The following MAN1A1 variants were observed in gnomAD, a reference collection of about 807,000 sequenced individuals.
MAN1A1 encodes the protein mannosyl-oligosaccharide 1,2-alpha-mannosidase IA.
A neutral mutation model predicts 70.8 loss-of-function variants in MAN1A1; 29 were observed. The observed-to-expected ratio is 0.41, with a 90% CI of 0.31 to 0.56. The LOEUF (loss-of-function observed/expected upper bound fraction) is 0.56, where lower values mean the gene tolerates loss of function less well. MAN1A1 is among the 20% of genes least tolerant of loss of function. The probability of loss-of-function intolerance (pLI) is 0.29; values close to 1 mark genes in which losing one functional copy is unlikely to be tolerated. For synonymous variants in MAN1A1, 349 were observed against 330.1 expected (o/e 1.06, Z -0.62); for missense variants, 747 against 841.3 (o/e 0.89, Z 1.39).
intron 8 of MAN1A1, among the ~76,000 whole-genome samples, chr6:119,201,043 T>C (rs751630776): frequency 1.3e-5 from 2 of 152,242 alleles, no homozygotes; most frequent in African/African-American, 4.8e-5. Context: ...TGTGCTTATA[T>C]GTCATCACAC....
intron 2 of MAN1A1, among the ~76,000 whole-genome samples, chr6:119,332,503 GGAAAT>G (rs1773346202): frequency 6.6e-6 from 1 of 152,112 alleles, no homozygotes; most frequent in African/African-American, 2.4e-5. Context: ...AAAAATACTT[GGAAAT>G]TAATAGCTGA....
chr6:119,227,190 T>C (rs755772718), intron 6 of MAN1A1, among the ~76,000 whole-genome samples: 4 of 152,168 alleles, frequency 2.6e-5, no homozygotes, highest in Non-Finnish European at 5.9e-5. Context: ...TATTGCACAT[T>C]TGCTTGTATA....
At position 119,299,124 on chromosome 6, in the gene MAN1A1, C is replaced by T. The variant is rs1001721030; in HGVS notation, c.816+2864G>A. On this transcript the variant is annotated intron_variant, in intron 4 of 12. Transcript: ENST00000368468. The stretch of plus-strand genomic sequence containing the variant: ...AAAATCCTGTAATTTTAAAAATAAT[C>T]ATTTGGATTTCTGGATAGAATGGGT... Among the ~76,000 whole-genome samples the T allele has an allele frequency of 4.3e-4, 65 of 150,938 alleles. 1 individual carries two copies. The highest frequency in any genetic ancestry group is 1.5e-5 in the Non-Finnish European group (1 of 67,840).
At chr6:119,322,622 A>G (rs1440689506) in intron 2 of MAN1A1, among the ~76,000 whole-genome samples, 2 of 152,214 alleles carry the variant, frequency 1.3e-5, no homozygotes, top group African/African-American at 4.8e-5. Flanking sequence ...ATTATATAAT[A>G]TACATAGACA....
intron 11 of MAN1A1, among the ~76,000 whole-genome samples, chr6:119,187,249 A>G (rs1015076763): frequency 6.6e-6 from 1 of 152,208 alleles, no homozygotes; most frequent in African/African-American, 2.4e-5. Context: ...GATTTGATGG[A>G]ACACACCATT....
intron 2 of MAN1A1, among the ~76,000 whole-genome samples, chr6:119,338,083 A>AC (rs1197413734): frequency 6.6e-6 from 1 of 151,708 alleles, no homozygotes; most frequent in Non-Finnish European, 1.5e-5. Flanking sequence ...AAAAAAAAAA[A>AC]AGTCTCCAAA....
intron 5 of MAN1A1, among the ~76,000 whole-genome samples, chr6:119,279,045 ACT>A (rs1261911849): frequency 2.0e-5 from 3 of 151,966 alleles, no homozygotes; most frequent in Non-Finnish European, 4.4e-5. Context: ...ATGCAGATAG[ACT>A]CTGGCAAAAT....
intron 6 of MAN1A1, among the ~76,000 whole-genome samples, chr6:119,246,258 G>A (rs1055681723): frequency 3.9e-5 from 6 of 152,046 alleles, no homozygotes; most frequent in Admixed American, 6.6e-5. Context: ...TCCAGGAAAC[G>A]AGAGAAACTA....
chr6:119,348,864 G>C lies in MAN1A1; in HGVS notation c.202C>G (p.Leu68Val). 6.5e-7 allele frequency: 1 copy of C among 1,530,032 alleles called. No homozygotes were observed. The highest frequency in any genetic ancestry group is 1.4e-5 in the African/African-American group (1 of 70,134). 94.8% of individuals were successfully genotyped at this position (1,530,032 alleles called of 1,614,324 possible). A position where few individuals can be genotyped will look rare whatever the true frequency, so the allele number is the denominator to read the frequency against. The change falls in exon 2 of 13, where the codon CTG becomes GTG. Residue 68 changes from leucine to valine, a missense_variant. Leu to Val is a conservative substitution (Grantham distance 32). Around this residue, in one of 2 missense-constraint regions of MAN1A1, gnomAD observed 328 missense variants for 293.1 expected, o/e 1.12. Transcript: ENST00000368468. ...AIFFLPDSSK[L>V]LSGVLFHSSP... ...GAGTGGAACAGGACCCCGCTGAGCA[G>C]CTTGGAGGAGTCTGGCAGGAAGAAG...
Position 119,306,846 on chromosome 6 carries a change from C to G in MAN1A1, c.700+50G>C, listed in dbSNP as rs116379314. The G allele has an allele frequency of 1.3e-3, 1,676 of 1,300,610 alleles. 11 individuals carry two copies. In the African/African-American group the frequency reaches 0.021, roughly 16 times the overall value. The allele number at this position is 1,300,610 out of a possible 1,614,324, so 80.6% of individuals were successfully genotyped here. ...CTTCTCCACCATCCATAAGCTCAAGCAATTGGGGAGAAGTTATCGTCACTA... is the reference window on the plus strand; with the variant it reads ...CTTCTCCACCATCCATAAGCTCAAGGAATTGGGGAGAAGTTATCGTCACTA... On this transcript the variant is annotated intron_variant, in intron 3 of 12. Coordinates refer to ENST00000368468, the MANE Select transcript of MAN1A1 (RefSeq NM_005907.4).
At chr6:119,326,049 T>C (rs955690381) in intron 2 of MAN1A1, among the ~76,000 whole-genome samples, 9 of 152,174 alleles carry the variant, frequency 5.9e-5, no homozygotes, top group African/African-American at 1.9e-4. Context: ...TTCCAGCCCA[T>C]GCTGAGGTCC....
chr6:119,295,785 G>A (rs538678594), intron 4 of MAN1A1, among the ~76,000 whole-genome samples: 26 of 151,996 alleles, frequency 1.7e-4, no homozygotes, highest in African/African-American at 6.3e-4. Context: ...CCTGGGGTAC[G>A]GGACTATTAT....
intron 6 of MAN1A1, among the ~76,000 whole-genome samples, chr6:119,220,886 AAAC>A (rs1412100452): frequency 1.3e-5 from 2 of 152,192 alleles, no homozygotes; most frequent in African/African-American, 4.8e-5. Flanking sequence ...TATTTATTTG[AAAC>A]AACACGGCAT....
In MAN1A1 at chr6:119,302,093, T is replaced by C. The variant is rs145752058; in HGVS notation, c.711A>G (p.Lys237=). 1.0e-4 allele frequency: 154 copies of C among 1,544,016 alleles called. 1 individual carries two copies. In the African/African-American group the frequency reaches 1.9e-3, roughly 19 times the overall value. The change falls in exon 4 of 13, where the codon AAA becomes AAG. Residue 237 remains lysine (K), a synonymous_variant. Coordinates refer to ENST00000368468, the MANE Select transcript of MAN1A1 (RefSeq NM_005907.4). ...GHSSSLFGNI[K]GATIVDALDT... ...CCAGGGCATCTACTATAGTTGCTCCTTTGATGTTACCTGAAAAGATCAGAA... is the reference window on the plus strand; with the variant it reads ...CCAGGGCATCTACTATAGTTGCTCCCTTGATGTTACCTGAAAAGATCAGAA...
At chr6:119,262,458 A>G (rs1775637069) in intron 5 of MAN1A1, among the ~76,000 whole-genome samples, 1 of 137,516 alleles carries the variant, frequency 7.3e-6, no homozygotes, top group Non-Finnish European at 1.5e-5. Flanking sequence ...TATAAAAAGT[A>G]AAAAAAAAAA....
chr6:119,322,811 G>A lies in MAN1A1; in HGVS notation c.604-15819C>T, dbSNP rs192233821. 4.3e-3 allele frequency among the ~76,000 whole-genome samples: 648 copies of A among 152,286 alleles called. 14 individuals are homozygous for A. Among genetic ancestry groups the A allele is most frequent in the Non-Finnish European group, 9.7e-4 (66 of 68,026 alleles). On this transcript the variant is annotated intron_variant, in intron 2 of 12. Coordinates refer to ENST00000368468, the MANE Select transcript of MAN1A1 (RefSeq NM_005907.4). The stretch of plus-strand genomic sequence containing the variant: ...TCTGAATTAGGAAGTAGCAAACCAA[G>A]CTGTGGGTAACAATCATTTCAAAGT...
At chr6:119,189,083 G>A (rs1023998757) in intron 10 of MAN1A1, among the ~76,000 whole-genome samples, 1 of 152,062 alleles carries the variant, frequency 6.6e-6, no homozygotes, top group Admixed American at 6.5e-5. Context: ...AAACAATTTA[G>A]TCATTGAAAA....
chr6:119,268,159 T>C (rs554097539), intron 5 of MAN1A1, among the ~76,000 whole-genome samples: 2 of 152,218 alleles, frequency 1.3e-5, no homozygotes, highest in Non-Finnish European at 2.9e-5. Flanking sequence ...TCATTTCACT[T>C]TCATTTGTAA....
intron 7 of MAN1A1, among the ~76,000 whole-genome samples, chr6:119,202,554 T>C (rs1478240461): frequency 6.6e-6 from 1 of 152,210 alleles, no homozygotes; most frequent in Non-Finnish European, 1.5e-5. Context: ...AATTATCAAA[T>C]ATTATGTACT....
Sources: allele counts gnomAD v4.1 joint callset (sites outside exome capture counted in the v4.1 genomes callset), GRCh38; gene constraint gnomAD v4.1.1; regional missense constraint gnomAD v4.1.1; transcripts MANE v1.5; gene names NCBI Gene and HGNC (gene_info 2026-07-23, HGNC 2026-07-21).